The following DNAH8 variants were observed in gnomAD, a reference collection of about 807,000 sequenced individuals.
The protein encoded by DNAH8 is axonemal beta dynein heavy chain 8.
In DNAH8, 382 loss-of-function variants were observed where a neutral mutation model predicts 562.1. That is an observed-to-expected ratio of 0.68 (90% CI 0.63 to 0.74). The LOEUF (loss-of-function observed/expected upper bound fraction) is 0.74. Among genes scored for constraint, DNAH8 ranks in the 30% least tolerant of loss-of-function variants. The pLI is 0.00. For synonymous variants in DNAH8, 1,881 were observed against 1,919.4 expected, an observed-to-expected ratio of 0.98 and a Z score of 0.52; for missense variants, 5,203 against 5,620.4, an observed-to-expected ratio of 0.93 and a Z score of 2.37.
At chr6:38,853,975 A>T (rs1563001229) in intron 41 of DNAH8, among the ~76,000 whole-genome samples, 1 of 151,520 alleles carries the variant, frequency 6.6e-6, no homozygotes, top group African/African-American at 2.4e-5. Context: ...AGTAAAAAAA[A>T]TTTTTAAGTT....
At chr6:38,797,748 T>C (rs1309151806) in intron 21 of DNAH8, among the ~76,000 whole-genome samples, 2 of 152,218 alleles carry the variant, frequency 1.3e-5, no homozygotes, top group African/African-American at 4.8e-5. Context: ...ATCTCCCCGC[T>C]GCACATATTT....
At chr6:38,921,308 C>T in intron 70 of DNAH8, 61 bp from the exon 71 acceptor site, 1 of 1,561,918 alleles carries the variant, frequency 6.4e-7, no homozygotes, top group Non-Finnish European at 8.7e-7. Context: ...GTGTTATCTA[C>T]CAGTTACAAT....
In DNAH8 at chr6:39,015,776, CT is replaced by C. The variant is rs1004554374; in HGVS notation, c.13714+3143del. On this transcript the variant is annotated intron_variant, in intron 91 of 92. Coordinates refer to ENST00000327475, the MANE Select transcript of DNAH8 (RefSeq NM_001206927.2). Reference sequence around the variant, plus strand: ...TTTGTTAATAATACTTATCTTTTCCCTTTTCTTCAGTTCTGCTTTCAAGTTA... The same window carrying C: ...TTTGTTAATAATACTTATCTTTTCCCTTTCTTCAGTTCTGCTTTCAAGTTA... Among the ~76,000 whole-genome samples the C allele has an allele frequency of 2.6e-5, 4 of 152,286 alleles. 1 individual carries two copies. Among genetic ancestry groups the C allele is most frequent in the Admixed American group, 1.3e-4 (2 of 15,302 alleles).
At chr6:38,970,654 CA>C (rs1180029409) in intron 82 of DNAH8, among the ~76,000 whole-genome samples, 1 of 152,188 alleles carries the variant, frequency 6.6e-6, no homozygotes, top group Non-Finnish European at 1.5e-5. Flanking sequence ...CTTCCCTCCC[CA>C]CCCCATGAAG....
intron 66 of DNAH8, 33 bp downstream of exon 66, chr6:38,911,619 G>GA: frequency 7.2e-7 from 1 of 1,384,488 alleles, no homozygotes; most frequent in South Asian, 1.2e-5. Flanking sequence ...GGATGGAATA[G>GA]AAATAGGGTT....
chr6:38,752,532 A>G (rs1041978907), intron 9 of DNAH8, among the ~76,000 whole-genome samples: 5 of 152,202 alleles, frequency 3.3e-5, no homozygotes, highest in Admixed American at 1.3e-4. Flanking sequence ...TTTAAGAAGT[A>G]GTCAAATCTT....
At chr6:39,025,568 A>T (rs1312279380) in intron 91 of DNAH8, among the ~76,000 whole-genome samples, 6 of 152,100 alleles carry the variant, frequency 3.9e-5, no homozygotes, top group Non-Finnish European at 8.8e-5. Flanking sequence ...TTCCAACTCC[A>T]AGGGATCTCG....
chr6:38,805,699 T>C, intron 23 of DNAH8, 103 bp downstream of exon 23: 1 of 614,640 alleles, frequency 1.6e-6, no homozygotes, highest in Non-Finnish European at 2.8e-6. Context: ...GCAACCAATC[T>C]AATTTCTAAC....
At chr6:38,791,341 A>G (rs1325756398) in intron 20 of DNAH8, among the ~76,000 whole-genome samples, 2 of 152,226 alleles carry the variant, frequency 1.3e-5, no homozygotes, top group Admixed American at 1.3e-4. Flanking sequence ...AAATAAGGTT[A>G]TGGCACATGT....
chr6:39,011,736 C>T (rs1169928585), intron 89 of DNAH8, among the ~76,000 whole-genome samples: 1 of 152,182 alleles, frequency 6.6e-6, no homozygotes, highest in East Asian at 1.9e-4. Context: ...GCTAAGGCAA[C>T]AATGATCTTT....
chr6:38,931,727 CA>C (rs1224975856), intron 75 of DNAH8, 83 bp from the exon 76 acceptor site: 4 of 822,672 alleles, frequency 4.9e-6, no homozygotes, highest in Admixed American at 5.7e-5. Flanking sequence ...ACAGCACTGA[CA>C]GGTAAATTCT....
intron 23 of DNAH8, among the ~76,000 whole-genome samples, chr6:38,806,143 C>G (rs1294627084): frequency 1.3e-5 from 2 of 152,118 alleles, no homozygotes; most frequent in East Asian, 3.9e-4. Context: ...AGTCCTCACC[C>G]TTCTGGTCAT....
At chr6:39,023,511 A>G (rs1190336680) in intron 91 of DNAH8, among the ~76,000 whole-genome samples, 1 of 152,160 alleles carries the variant, frequency 6.6e-6, no homozygotes, top group African/African-American at 2.4e-5. Context: ...TCAAAACAAA[A>G]CAAACAAACA....
chr6:38,778,374 ATATTT>A lies in DNAH8; in HGVS notation c.1963-6_1963-2del. 3 of 1,358,946 alleles carry A rather than the reference ATATTT, an allele frequency of 2.2e-6. No individual in the cohort carries two copies. Among genetic ancestry groups the A allele is most frequent in the Middle Eastern group, 2.2e-4 (1 of 4,556 alleles). 84.2% of individuals were successfully genotyped at this position (1,358,946 alleles called of 1,614,324 possible). A position where few individuals can be genotyped will look rare whatever the true frequency, so the allele number is the denominator to read the frequency against. ...AACACCAAAAATCATTTAAATATTA[ATATTT>A]TATTTTAGGTACAAATACAGGCATT... On this transcript the variant is annotated splice_polypyrimidine_tract_variant and intron_variant, in intron 13 of 92. Transcript: ENST00000327475.
intron 44 of DNAH8, among the ~76,000 whole-genome samples, chr6:38,862,932 C>T (rs1295278406): frequency 6.6e-6 from 1 of 152,180 alleles, no homozygotes; most frequent in Non-Finnish European, 1.5e-5. Flanking sequence ...ACATCAACCT[C>T]AGAGCTCAGT....
At chr6:38,742,785 A>G (rs1033015271) in intron 8 of DNAH8, among the ~76,000 whole-genome samples, 1 of 138,662 alleles carries the variant, frequency 7.2e-6, no homozygotes, top group African/African-American at 2.5e-5. Flanking sequence ...GCACTTTTCT[A>G]TTTTATTTTT....
intron 92 of DNAH8, among the ~76,000 whole-genome samples, chr6:39,028,434 G>A (rs1285468584): frequency 6.6e-6 from 1 of 152,088 alleles, no homozygotes; most frequent in Non-Finnish European, 1.5e-5. Context: ...GACAATCTTT[G>A]GCTTTCCTTC....
chr6:38,894,168 A>C (rs927722972), intron 58 of DNAH8, among the ~76,000 whole-genome samples: 1 of 152,242 alleles, frequency 6.6e-6, no homozygotes, highest in Non-Finnish European at 1.5e-5. Context: ...GTTTGGATCC[A>C]CACAGTAAAA....
At chr6:38,890,190 T>C (rs919128289) in intron 57 of DNAH8, among the ~76,000 whole-genome samples, 3 of 152,160 alleles carry the variant, frequency 2.0e-5, no homozygotes, top group Non-Finnish European at 2.9e-5. Flanking sequence ...CATGTGACCT[T>C]GAACAATCGG....
Sources: gnomAD v4.1 joint callset for allele counts (sites outside exome capture counted in the v4.1 genomes callset) on GRCh38, gnomAD v4.1.1 for gene constraint, MANE v1.5 for transcripts, NCBI Gene and HGNC (gene_info 2026-07-23, HGNC 2026-07-21) for gene names.